Variants in NFIX observed in about 807,000 individuals in gnomAD.
NFIX encodes nuclear factor 1 X-type.
Under a neutral mutation model 53.3 loss-of-function variants are expected in NFIX, and 2 were observed. The ratio of observed to expected loss-of-function variants is 0.04; its 90% confidence interval spans 0.02 to 0.12. The LOEUF is 0.12. NFIX is among the 10% of genes least tolerant of loss of function. NFIX has a pLI of 1.00. For synonymous variants in NFIX, 244 were observed against 289.0 expected (o/e 0.84, Z 1.58); for missense variants, 310 against 674.5 (o/e 0.46, Z 5.99).
chr19:13,021,505 T>A lies in NFIX; in HGVS notation c.28-3516T>A, dbSNP rs2012951678. Among the ~76,000 whole-genome samples the A allele has an allele frequency of 6.6e-6, 1 of 152,130 alleles. No individual in the cohort carries two copies. The highest frequency in any genetic ancestry group is 6.5e-5 in the Admixed American group (1 of 15,272). ...AGGCCACAAAGCACAGGGTTTCAGT[T>A]GGGGAAGAAAGGGGCACGAGTGAGC... is the stretch of plus-strand genomic sequence containing the variant. On this transcript the variant is annotated intron_variant, in intron 1 of 10. Coordinates refer to ENST00000592199, the MANE Select transcript of NFIX (RefSeq NM_001365902.3). This position sits in a 1 kb window ranked among gnomAD's most constrained non-coding sequence, Gnocchi z 4.2.
intron 10 of NFIX, among the ~76,000 whole-genome samples, chr19:13,091,847 G>A (rs1304165138): frequency 6.6e-6 from 1 of 152,244 alleles, no homozygotes; most frequent in South Asian, 2.1e-4. Context: ...CCACTGCCAC[G>A]AGCCGTCCCT....
At chr19:13,065,424 C>T (rs1245991588) in intron 2 of NFIX, among the ~76,000 whole-genome samples, 1 of 152,244 alleles carries the variant, frequency 6.6e-6, no homozygotes, top group Non-Finnish European at 1.5e-5. Context: ...CTGCCATGCC[C>T]TGGGTCCACT....
At position 13,067,541 on chromosome 19, in the gene NFIX, C is replaced by A. The variant is rs2016503398; in HGVS notation, c.560-5506C>A. Among the ~76,000 whole-genome samples, 1 of 151,670 alleles carries A rather than the reference C, an allele frequency of 6.6e-6. No individual in the cohort carries two copies. Among genetic ancestry groups the A allele is most frequent in the Admixed American group, 6.6e-5 (1 of 15,218 alleles). ...CTGAGTCTGAGCATATGAGTGTATG[C>A]ATCCAAGTGTATGCACATACCTGGG... On this transcript the variant is annotated intron_variant, in intron 2 of 10. Coordinates refer to ENST00000592199, the MANE Select transcript of NFIX (RefSeq NM_001365902.3). The surrounding 1 kb of genome is among the most constrained non-coding windows in gnomAD (Gnocchi z 4.2).
rs1198294249 is a variant in NFIX, at chr19:13,022,707, T to C, written c.28-2314T>C. 6.6e-6 allele frequency among the ~76,000 whole-genome samples: 1 copy of C among 152,058 alleles called. No homozygotes were observed. Among genetic ancestry groups the C allele is most frequent in the Non-Finnish European group, 1.5e-5 (1 of 67,982 alleles). On this transcript the variant is annotated intron_variant, in intron 1 of 10. Coordinates refer to ENST00000592199, the MANE Select transcript of NFIX (RefSeq NM_001365902.3). This position sits in a 1 kb window ranked among gnomAD's most constrained non-coding sequence, Gnocchi z 4.5. ...GCGCAGCTGCTTCCCCAAGGCCTTC[T>C]GGGGCTCCCGCCCGCCAGCCCGCCG...
chr19:13,041,793 C>CA (rs755429201), intron 2 of NFIX, among the ~76,000 whole-genome samples: 3,229 of 103,264 alleles, frequency 0.031, 108 homozygotes, highest in African/African-American at 0.088. Context: ...GACTCCGTCT[C>CA]AAAAAAAAAA....
rs10411958 is a variant in NFIX at position 13,002,827 on chromosome 19, T to C, written c.27+6963T>C. 0.61 allele frequency among the ~76,000 whole-genome samples: 92,738 copies of C among 152,020 alleles called. 29,234 individuals are homozygous for C. The highest frequency in any genetic ancestry group is 0.78 in the African/African-American group (32,367 of 41,506). On this transcript the variant is annotated intron_variant, in intron 1 of 10. Transcript: ENST00000592199. The surrounding 1 kb of genome is among the most constrained non-coding windows in gnomAD (Gnocchi z 6.1). ...GGGAGCCGGGGGTGGTGGCCAGCAG[T>C]GGGCAGGGGGCAGTGCCCACCACCA...
rs1263417610 is a variant in NFIX at position 13,073,674 on chromosome 19, T to A, written c.697+178T>A. ...CAATAGAGTCTTCCAGAGAGGCCTG[T>A]CTCCAGTCTCCATTGCTTTGGAGGA... On this transcript the variant is annotated intron_variant, in intron 4 of 10. Coordinates refer to ENST00000592199, the MANE Select transcript of NFIX (RefSeq NM_001365902.3). The surrounding 1 kb of genome is among the most constrained non-coding windows in gnomAD (Gnocchi z 4.5). Among the ~76,000 whole-genome samples, 1 of 152,080 alleles carries A rather than the reference T, an allele frequency of 6.6e-6. No homozygotes were observed. The highest frequency in any genetic ancestry group is 1.5e-5 in the Non-Finnish European group (1 of 68,016).
At chr19:13,018,670 G>C (rs1246682895) in intron 1 of NFIX, among the ~76,000 whole-genome samples, 1 of 152,228 alleles carries the variant, frequency 6.6e-6, no homozygotes, top group Admixed American at 6.5e-5. Flanking sequence ...CCCTCCTCTA[G>C]GATAAGCAGC....
chr19:13,058,695 A>T (rs895359067), intron 2 of NFIX, among the ~76,000 whole-genome samples: 4 of 151,912 alleles, frequency 2.6e-5, no homozygotes, highest in Non-Finnish European at 5.9e-5. Flanking sequence ...CTGTCTCAAA[A>T]AAAGCAAAAA....
chr19:13,054,748 A>G (rs1047477666), intron 2 of NFIX, among the ~76,000 whole-genome samples: 3 of 152,082 alleles, frequency 2.0e-5, no homozygotes, highest in African/African-American at 7.2e-5. Context: ...TGGTGCCTAG[A>G]GCCCTGAAAA....
At position 13,011,181 on chromosome 19, in the gene NFIX, CG is replaced by C. The variant is rs1043675095; in HGVS notation, c.28-13836del. Among the ~76,000 whole-genome samples, 2 of 152,102 alleles carry C rather than the reference CG, an allele frequency of 1.3e-5. No individual in the cohort carries two copies. The highest frequency in any genetic ancestry group is 4.8e-5 in the African/African-American group (2 of 41,420). On this transcript the variant is annotated intron_variant, in intron 1 of 10. Transcript: ENST00000592199. This position sits in a 1 kb window ranked among gnomAD's most constrained non-coding sequence, Gnocchi z 6.5. ...ACGGACATCCCACGTTCTTAAAGAC[CG>C]GGGACCCCCCCTCCCCCAAGGGCCG...
intron 2 of NFIX, among the ~76,000 whole-genome samples, chr19:13,046,679 A>G (rs1839833715): frequency 6.6e-6 from 1 of 152,116 alleles, no homozygotes; most frequent in Non-Finnish European, 1.5e-5. Context: ...ATGTCTGTAA[A>G]TAGGCTGTGA....
In NFIX at chr19:13,044,316, C is replaced by T. The variant is rs567122536; in HGVS notation, c.559+18764C>T. On this transcript the variant is annotated intron_variant, in intron 2 of 10. Transcript: ENST00000592199. ...TCTAGAGGGCTTGTGGCCACGCAGT[C>T]GTGGGTGGGATGCATATGTTCATGA... Among the ~76,000 whole-genome samples, 4 of 152,266 alleles carry T rather than the reference C, an allele frequency of 2.6e-5. 1 individual carries two copies. The highest frequency in any genetic ancestry group is 7.2e-5 in the African/African-American group (3 of 41,526).
At chr19:13,075,316 G>T (rs989165866) in intron 5 of NFIX, among the ~76,000 whole-genome samples, 2 of 152,106 alleles carry the variant, frequency 1.3e-5, no homozygotes, top group African/African-American at 4.8e-5. Context: ...ATTGGGAAGG[G>T]GCTTGAGGAA....
Position 13,040,604 on chromosome 19 carries a change from C to T in NFIX, c.559+15052C>T, listed in dbSNP as rs537110689. Among the ~76,000 whole-genome samples, 3 of 152,310 alleles carry T rather than the reference C, an allele frequency of 2.0e-5. No individual in the cohort carries two copies. Among genetic ancestry groups the T allele is most frequent in the Admixed American group, 6.5e-5 (1 of 15,308 alleles). ...CAGACTCATGGCTGCTATTCCTGCC[C>T]TCCATCTCCTGGAGACCCCTTCAGT... On this transcript the variant is annotated intron_variant, in intron 2 of 10. Coordinates refer to ENST00000592199, the MANE Select transcript of NFIX (RefSeq NM_001365902.3). The surrounding 1 kb of genome is among the most constrained non-coding windows in gnomAD (Gnocchi z 4.2).
At chr19:13,065,080 A>C (rs1599823609) in intron 2 of NFIX, among the ~76,000 whole-genome samples, 1 of 151,434 alleles carries the variant, frequency 6.6e-6, no homozygotes, top group Admixed American at 6.6e-5. Context: ...CTGGCCACCC[A>C]CCTCCTTCCT....
In NFIX at chr19:13,064,542, G is replaced by A. The variant is rs2016287891; in HGVS notation, c.560-8505G>A. ...CACCGATGTGGGGAGGGATATGCCT[G>A]TACAGGTGTCTGCCCAGGCTCTGCC... is the stretch of plus-strand genomic sequence containing the variant. On this transcript the variant is annotated intron_variant, in intron 2 of 10. Coordinates refer to ENST00000592199, the MANE Select transcript of NFIX (RefSeq NM_001365902.3). 4.6e-5 allele frequency among the ~76,000 whole-genome samples: 7 copies of A among 152,356 alleles called. No individual in the cohort carries two copies. The South Asian group carries it at 1.2e-3, about 27-fold the overall frequency.
In NFIX at chr19:13,012,621, G is replaced by A. The variant is rs1178089593; in HGVS notation, c.28-12400G>A. Among the ~76,000 whole-genome samples, 2 of 152,240 alleles carry A rather than the reference G, an allele frequency of 1.3e-5. No homozygotes were observed. The highest frequency in any genetic ancestry group is 4.8e-5 in the African/African-American group (2 of 41,468). On this transcript the variant is annotated intron_variant, in intron 1 of 10. Transcript: ENST00000592199. The surrounding 1 kb of genome is among the most constrained non-coding windows in gnomAD (Gnocchi z 5.0). ...GGGTTGGGGGTTCAGGGCCGCCTGT[G>A]CCTCAGTTTCTCTCCTCCTGCGCCC...
intron 1 of NFIX, among the ~76,000 whole-genome samples, chr19:13,004,573 T>C (rs1421694352): frequency 6.6e-6 from 1 of 152,132 alleles, no homozygotes. Context: ...TCCCCTCTGC[T>C]TGTCAGCCAC....
Sources: gnomAD v4.1 joint callset for allele counts (sites outside exome capture counted in the v4.1 genomes callset) on GRCh38, gnomAD v4.1.1 for gene constraint, Gnocchi (gnomAD v3.1) non-coding constraint, MANE v1.5 for transcripts, NCBI Gene and HGNC (gene_info 2026-07-23, HGNC 2026-07-21) for gene names.